KHDRBS3: variants seen among roughly 807,000 people sequenced by gnomAD.
The protein encoded by KHDRBS3 is KH RNA binding domain containing, signal transduction associated 3.
A neutral mutation model predicts 45.6 loss-of-function variants in KHDRBS3; 23 were observed. That is an observed-to-expected ratio of 0.50 (90% CI 0.36 to 0.72). The LOEUF is 0.72. Among genes scored for constraint, KHDRBS3 ranks in the 30% least tolerant of loss-of-function variants. KHDRBS3 has a pLI of 0.00. For synonymous variants in KHDRBS3, 162 were observed against 156.5 expected (o/e 1.04, Z -0.26); for missense variants, 352 against 424.8 (o/e 0.83, Z 1.51).
At chr8:135,485,058 GA>G (rs1822779677) in intron 1 of KHDRBS3, among the ~76,000 whole-genome samples, 2 of 152,128 alleles carry the variant, frequency 1.3e-5, no homozygotes, top group Admixed American at 6.6e-5. Context: ...GCTGTGTACA[GA>G]AAAAACCCTC....
intron 5 of KHDRBS3, among the ~76,000 whole-genome samples, chr8:135,581,628 C>T (rs1001699904): frequency 2.0e-5 from 3 of 152,130 alleles, no homozygotes; most frequent in African/African-American, 7.2e-5. Context: ...ATCACAGTTT[C>T]CTACTCTGTG....
intron 1 of KHDRBS3, among the ~76,000 whole-genome samples, chr8:135,496,628 G>A (rs1823464192): frequency 6.6e-6 from 1 of 152,162 alleles, no homozygotes; most frequent in Non-Finnish European, 1.5e-5. Flanking sequence ...TAATAGGCAG[G>A]TGGCTGCCTT....
chr8:135,563,129 T>A (rs527612273), intron 5 of KHDRBS3, among the ~76,000 whole-genome samples: 5 of 152,306 alleles, frequency 3.3e-5, no homozygotes, highest in African/African-American at 1.2e-4. Flanking sequence ...ATACTTAAAA[T>A]CCTTCAGTGG....
intron 1 of KHDRBS3, among the ~76,000 whole-genome samples, chr8:135,470,162 G>A (rs752281875): frequency 9.9e-5 from 15 of 152,108 alleles, no homozygotes; most frequent in Non-Finnish European, 2.1e-4. Context: ...GTGGTTTAAC[G>A]TTCTGGGTCA....
intron 7 of KHDRBS3, among the ~76,000 whole-genome samples, chr8:135,632,742 C>G (rs1000520460): frequency 2.6e-5 from 4 of 152,178 alleles, no homozygotes; most frequent in Non-Finnish European, 4.4e-5. Flanking sequence ...ATGAAAGCCT[C>G]TCAGTGGCCT....
intron 1 of KHDRBS3, among the ~76,000 whole-genome samples, chr8:135,469,916 A>T (rs1821927843): frequency 6.6e-6 from 1 of 152,254 alleles, no homozygotes; most frequent in Non-Finnish European, 1.5e-5. Context: ...ATCGCAGCCG[A>T]TGCCAGCAGC....
chr8:135,519,107 C>T (rs1475985255), intron 1 of KHDRBS3, among the ~76,000 whole-genome samples: 1 of 152,188 alleles, frequency 6.6e-6, no homozygotes, highest in Non-Finnish European at 1.5e-5. Flanking sequence ...TTTATCTCTT[C>T]TTGGAAGCTT....
intron 1 of KHDRBS3, among the ~76,000 whole-genome samples, chr8:135,460,583 A>G (rs1374197507): frequency 1.3e-5 from 2 of 152,244 alleles, no homozygotes; most frequent in African/African-American, 4.8e-5. Flanking sequence ...TGCTAACTTC[A>G]GACCCTGCAG....
chr8:135,573,483 C>A (rs1472459415), intron 5 of KHDRBS3, among the ~76,000 whole-genome samples: 1 of 152,138 alleles, frequency 6.6e-6, no homozygotes, highest in Admixed American at 6.5e-5. Context: ...TACTACATGC[C>A]TGTTTTAGGC....
chr8:135,584,720 A>G (rs1049574592), intron 6 of KHDRBS3, among the ~76,000 whole-genome samples: 1 of 152,278 alleles, frequency 6.6e-6, no homozygotes, highest in East Asian at 1.9e-4. Flanking sequence ...CATCAGTAGC[A>G]CTGCCTTGCA....
chr8:135,638,710 G>T (rs1233819149), intron 7 of KHDRBS3, among the ~76,000 whole-genome samples: 1 of 152,182 alleles, frequency 6.6e-6, no homozygotes, highest in Non-Finnish European at 1.5e-5. Flanking sequence ...AGCACTTTGG[G>T]AGGCCCAGGC....
chr8:135,585,581 T>C (rs1828432837), intron 6 of KHDRBS3, among the ~76,000 whole-genome samples: 1 of 152,168 alleles, frequency 6.6e-6, no homozygotes, highest in Non-Finnish European at 1.5e-5. Flanking sequence ...GAATGAATGG[T>C]CACAAGATGG....
chr8:135,649,014 G>A (rs1346813895), downstream of KHDRBS3, among the ~76,000 whole-genome samples: 1 of 152,036 alleles, frequency 6.6e-6, no homozygotes, highest in African/African-American at 2.4e-5. Flanking sequence ...GGAAATTTTT[G>A]ACAGTATTTA....
At chr8:135,639,332 G>A (rs533409321) in intron 7 of KHDRBS3, among the ~76,000 whole-genome samples, 1 of 152,288 alleles carries the variant, frequency 6.6e-6, no homozygotes, top group African/African-American at 2.4e-5. Flanking sequence ...AGTGTGACGT[G>A]GAGGGATTGG....
chr8:135,481,250 A>ATATATATATATATATC (rs1285436029), intron 1 of KHDRBS3, among the ~76,000 whole-genome samples: 1 of 125,562 alleles, frequency 8.0e-6, no homozygotes, highest in Non-Finnish European at 1.6e-5. Flanking sequence ...ATATATATAT[A>ATATATATATATATATC]TTTAATGTAA....
intron 1 of KHDRBS3, 74 bp from the exon 2 acceptor site, chr8:135,521,163 A>G: frequency 9.5e-6 from 8 of 841,644 alleles, no homozygotes; most frequent in Non-Finnish European, 1.6e-5. Flanking sequence ...TCATGCCACT[A>G]CAGAGCTAAC....
intron 6 of KHDRBS3, among the ~76,000 whole-genome samples, chr8:135,605,425 A>C (rs942300136): frequency 1.2e-4 from 18 of 152,102 alleles, no homozygotes; most frequent in African/African-American, 4.1e-4. Context: ...GAGCTTCTCA[A>C]ATGAATATTT....
At chr8:135,496,855 G>A (rs899507534) in intron 1 of KHDRBS3, among the ~76,000 whole-genome samples, 1 of 152,242 alleles carries the variant, frequency 6.6e-6, no homozygotes, top group African/African-American at 2.4e-5. Flanking sequence ...CAACTAGCTT[G>A]CCTGTTGCTT....
At chr8:135,477,926 C>G (rs1257650242) in intron 1 of KHDRBS3, among the ~76,000 whole-genome samples, 2 of 152,158 alleles carry the variant, frequency 1.3e-5, no homozygotes, top group African/African-American at 4.8e-5. Context: ...GAACCGGGTG[C>G]TCAGCAGGAG....
Sources: allele counts gnomAD v4.1 joint callset (sites outside exome capture counted in the v4.1 genomes callset), GRCh38; gene constraint gnomAD v4.1.1; transcripts MANE v1.5; gene names NCBI Gene and HGNC (gene_info 2026-07-23, HGNC 2026-07-21).